The following NCAM1 variants were observed in gnomAD, a reference collection of about 807,000 sequenced individuals.
NCAM1 encodes the protein neural cell adhesion molecule 1.
Under a neutral mutation model 109.8 loss-of-function variants are expected in NCAM1, and 14 were observed. That is an observed-to-expected ratio of 0.13 (90% CI 0.08 to 0.20). The LOEUF (loss-of-function observed/expected upper bound fraction) is 0.20, where lower values mean the gene tolerates loss of function less well. NCAM1 is among the 10% of genes least tolerant of loss of function. NCAM1 has a pLI of 1.00. For synonymous variants in NCAM1, 418 were observed against 442.9 expected (o/e 0.94, Z 0.70); for missense variants, 774 against 1,109.9 (o/e 0.70, Z 4.30).
intron 1 of NCAM1, among the ~76,000 whole-genome samples, chr11:113,180,196 G>GC (rs1269529812): frequency 6.6e-6 from 1 of 152,186 alleles, no homozygotes; most frequent in Non-Finnish European, 1.5e-5. Context: ...CAGCTGCTGG[G>GC]CACAGGTATG....
chr11:113,204,608 C>A, intron 3 of NCAM1, 104 bp downstream of exon 3: 1 of 1,110,282 alleles, frequency 9.0e-7, no homozygotes, highest in Non-Finnish European at 1.3e-6. Context: ...AGCTGAGGGC[C>A]TAACCAGTCC....
intron 1 of NCAM1, among the ~76,000 whole-genome samples, chr11:113,080,700 G>T (rs1214831357): frequency 6.6e-6 from 1 of 152,222 alleles, no homozygotes; most frequent in Non-Finnish European, 1.5e-5. Context: ...ACATGGCTGT[G>T]ACTACATTGC....
chr11:113,203,130 A>G (rs1944120397), intron 2 of NCAM1, among the ~76,000 whole-genome samples: 1 of 152,212 alleles, frequency 6.6e-6, no homozygotes, highest in African/African-American at 2.4e-5. Flanking sequence ...TTCTCTGTAT[A>G]TGACATGACT....
chr11:113,123,312 C>T (rs1338499838), intron 1 of NCAM1, among the ~76,000 whole-genome samples: 1 of 152,144 alleles, frequency 6.6e-6, no homozygotes, highest in African/African-American at 2.4e-5. Flanking sequence ...ATCAAAATAT[C>T]ACATGTACCC....
rs141098628 is a variant in NCAM1 at position 113,171,453 on chromosome 11, G to A, written c.53-30926G>A. ...TCGAGACAAGTCTGGCCAAGATGGC[G>A]AAACCCCGTTTCTACTAAAAATACA... On this transcript the variant is annotated intron_variant, in intron 1 of 19. Transcript: ENST00000316851. Among the ~76,000 whole-genome samples the A allele has an allele frequency of 3.1e-4, 47 of 152,190 alleles. 1 individual carries two copies. The highest frequency in any genetic ancestry group is 9.6e-4 in the African/African-American group (40 of 41,512).
At position 113,197,544 on chromosome 11, in the gene NCAM1, G is replaced by C. The variant is rs113684179; in HGVS notation, c.53-4835G>C. Among the ~76,000 whole-genome samples the C allele has an allele frequency of 4.6e-3, 696 of 152,270 alleles. 3 individuals are homozygous for C. The highest frequency in any genetic ancestry group is 0.016 in the African/African-American group (655 of 41,548). On this transcript the variant is annotated intron_variant, in intron 1 of 19. Coordinates refer to ENST00000316851, the MANE Select transcript of NCAM1 (RefSeq NM_181351.5). ...CATAGTCACTGATGATATTTATCCT[G>C]TTTGTTTCACCCGTCCTTTAAATTG...
chr11:113,151,342 G>T (rs1365734655), intron 1 of NCAM1, among the ~76,000 whole-genome samples: 1 of 152,192 alleles, frequency 6.6e-6, no homozygotes, highest in Non-Finnish European at 1.5e-5. Context: ...CAGTCAGGCA[G>T]CACATATCGG....
intron 17 of NCAM1, among the ~76,000 whole-genome samples, chr11:113,268,450 A>C (rs1484982316): frequency 1.3e-5 from 2 of 152,160 alleles, no homozygotes; most frequent in South Asian, 2.1e-4. Context: ...GAGCCTGAGG[A>C]GGAAGGGCTG....
intron 1 of NCAM1, among the ~76,000 whole-genome samples, chr11:113,175,336 G>A (rs1555106853): frequency 2.0e-5 from 3 of 152,238 alleles, no homozygotes; most frequent in South Asian, 4.1e-4. Context: ...GGGGTAGAAT[G>A]TGAATCGTGC....
At chr11:113,002,021 C>A (rs1951766253) in intron 1 of NCAM1, among the ~76,000 whole-genome samples, 1 of 152,334 alleles carries the variant, frequency 6.6e-6, no homozygotes, top group East Asian at 1.9e-4. Flanking sequence ...CTCCTTCTAA[C>A]TGTTCTAACA....
chr11:113,179,267 G>A (rs1353676118), intron 1 of NCAM1, among the ~76,000 whole-genome samples: 1 of 152,218 alleles, frequency 6.6e-6, no homozygotes, highest in Non-Finnish European at 1.5e-5. Context: ...CTGTGAGAGT[G>A]TATGATTATG....
At chr11:112,972,113 T>A (rs1950899563) in intron 1 of NCAM1, among the ~76,000 whole-genome samples, 1 of 152,166 alleles carries the variant, frequency 6.6e-6, no homozygotes, top group South Asian at 2.1e-4. Context: ...ATGCAGACAC[T>A]GGAGAATTCA....
At chr11:113,215,154 A>G (rs1944492401) in intron 8 of NCAM1, among the ~76,000 whole-genome samples, 1 of 152,186 alleles carries the variant, frequency 6.6e-6, no homozygotes, top group African/African-American at 2.4e-5. Flanking sequence ...GGCGGGAAAG[A>G]TTGAGCTTTA....
In NCAM1 at chr11:113,274,527, G is replaced by C. The variant is rs1048661962; in HGVS notation, c.2457-740G>C. Among the ~76,000 whole-genome samples the C allele has an allele frequency of 6.6e-6, 1 of 152,200 alleles. No individual in the cohort carries two copies. The highest frequency in any genetic ancestry group is 6.5e-5 in the Admixed American group (1 of 15,290). On this transcript the variant is annotated intron_variant, in intron 19 of 19. Coordinates refer to ENST00000316851, the MANE Select transcript of NCAM1 (RefSeq NM_181351.5). The surrounding 1 kb of genome is among the most constrained non-coding windows in gnomAD (Gnocchi z 4.1). ...TAGAGGCTCCTATGGCTGCTCCCCAGATAAGCTGCCATGCTGCCACCATGG... is the reference window on the plus strand; with the variant it reads ...TAGAGGCTCCTATGGCTGCTCCCCACATAAGCTGCCATGCTGCCACCATGG...
chr11:113,118,882 C>T (rs1940825154), intron 1 of NCAM1, among the ~76,000 whole-genome samples: 1 of 151,926 alleles, frequency 6.6e-6, no homozygotes, highest in Non-Finnish European at 1.5e-5. Flanking sequence ...GATAGTGTTT[C>T]AAATACCAAA....
intron 16 of NCAM1, among the ~76,000 whole-genome samples, chr11:113,257,698 A>T (rs1199429608): frequency 6.6e-6 from 1 of 152,224 alleles, no homozygotes; most frequent in Non-Finnish European, 1.5e-5. Flanking sequence ...TCAAAACCTC[A>T]TTCATGTTTG....
At chr11:113,216,730 A>T (rs1287761744) in intron 8 of NCAM1, among the ~76,000 whole-genome samples, 2 of 152,180 alleles carry the variant, frequency 1.3e-5, no homozygotes, top group Non-Finnish European at 2.9e-5. Context: ...TCAGCTGGTG[A>T]TGTGACACCA....
At chr11:113,017,635 T>TTTTGTGTGTGTGTGTGTGTGTGTGTGTG (rs1555075494) in intron 1 of NCAM1, among the ~76,000 whole-genome samples, 1 of 145,178 alleles carries the variant, frequency 6.9e-6, no homozygotes, top group African/African-American at 2.5e-5. Context: ...CAGTACTGTT[T>TTTTGTGTGTGTGTGTGTGTGTGTGTGTG]TGTGTGTGTG....
chr11:113,065,026 G>C (rs1937884568), intron 1 of NCAM1, among the ~76,000 whole-genome samples: 1 of 152,066 alleles, frequency 6.6e-6, no homozygotes, highest in Non-Finnish European at 1.5e-5. Flanking sequence ...ACTGGTGGGG[G>C]GCAGGAAGTA....
Sources: allele counts gnomAD v4.1 joint callset (sites outside exome capture counted in the v4.1 genomes callset), GRCh38; gene constraint gnomAD v4.1.1; non-coding constraint Gnocchi (gnomAD v3.1); transcripts MANE v1.5; gene names NCBI Gene and HGNC (gene_info 2026-07-23, HGNC 2026-07-21).